SEMA5A: variants seen among roughly 807,000 people sequenced by gnomAD.
SEMA5A encodes the protein semaphorin-5A.
In SEMA5A, 55 loss-of-function variants were observed where a neutral mutation model predicts 135.5. The observed-to-expected ratio is 0.41, with a 90% CI of 0.33 to 0.51. SEMA5A has a LOEUF of 0.51. Among genes scored for constraint, SEMA5A ranks in the 20% least tolerant of loss-of-function variants. The pLI, the probability that SEMA5A is intolerant of heterozygous loss-of-function variation, is 0.37. For missense variants in SEMA5A, 1,290 were observed against 1,419.9 expected (o/e 0.91, Z 1.47); for synonymous variants, 580 against 546.5 (o/e 1.06, Z -0.85).
intron 1 of SEMA5A, among the ~76,000 whole-genome samples, chr5:9,478,836 A>G (rs1379953347): frequency 6.6e-6 from 1 of 152,196 alleles, no homozygotes; most frequent in African/African-American, 2.4e-5. Context: ...GAGAGGCATA[A>G]TTGTGTTTTG....
At chr5:9,328,428 C>T (rs751433475) in intron 4 of SEMA5A, among the ~76,000 whole-genome samples, 6 of 152,194 alleles carry the variant, frequency 3.9e-5, no homozygotes, top group Admixed American at 2.0e-4. Flanking sequence ...CTCCTCAATG[C>T]CTTTAGCAGA....
chr5:9,153,376 A>G (rs1742742995), intron 12 of SEMA5A, among the ~76,000 whole-genome samples: 1 of 152,192 alleles, frequency 6.6e-6, no homozygotes, highest in Admixed American at 6.5e-5. Context: ...TGTGATGTAT[A>G]CAGTACTTTT....
chr5:9,378,052 T>A (rs1238283965), intron 3 of SEMA5A, among the ~76,000 whole-genome samples: 15 of 152,160 alleles, frequency 9.9e-5, no homozygotes, highest in Non-Finnish European at 1.8e-4. Context: ...ACTACATGGA[T>A]TAAAATACAT....
chr5:9,137,809 T>C (rs72741911), intron 12 of SEMA5A, among the ~76,000 whole-genome samples: 6,778 of 152,284 alleles, frequency 0.045, 234 homozygotes, highest in Middle Eastern at 0.085. Flanking sequence ...AAAATAATCA[T>C]TGTTAAAACA....
intron 6 of SEMA5A, among the ~76,000 whole-genome samples, chr5:9,234,748 T>C (rs938328373): frequency 1.3e-5 from 2 of 152,204 alleles, no homozygotes; most frequent in Non-Finnish European, 1.5e-5. Context: ...TTACTAAGAT[T>C]TCCCATTATT....
intron 2 of SEMA5A, among the ~76,000 whole-genome samples, chr5:9,395,728 T>A (rs931387263): frequency 6.6e-6 from 1 of 152,174 alleles, no homozygotes; most frequent in African/African-American, 2.4e-5. Flanking sequence ...AGCACACATG[T>A]TTTTCTCTGT....
At chr5:9,418,272 G>A (rs1303651962) in intron 2 of SEMA5A, among the ~76,000 whole-genome samples, 3 of 152,052 alleles carry the variant, frequency 2.0e-5, no homozygotes, top group East Asian at 1.9e-4. Context: ...CACTGTGCCT[G>A]GCCCAGTGTC....
At chr5:9,419,003 T>TG (rs1757375279) in intron 2 of SEMA5A, among the ~76,000 whole-genome samples, 1 of 152,230 alleles carries the variant, frequency 6.6e-6, no homozygotes, top group Admixed American at 6.5e-5. Context: ...GAAAGTGTCT[T>TG]GGGGCTACAT....
intron 1 of SEMA5A, among the ~76,000 whole-genome samples, chr5:9,498,188 G>T (rs1261532727): frequency 6.6e-6 from 1 of 152,164 alleles, no homozygotes. Context: ...AAAACTAACT[G>T]ATGCAGAGCC....
intron 3 of SEMA5A, among the ~76,000 whole-genome samples, chr5:9,364,326 C>T (rs1754825567): frequency 6.6e-6 from 1 of 152,134 alleles, no homozygotes. Context: ...ATGCCTTTGG[C>T]CCTTAATACA....
intron 13 of SEMA5A, among the ~76,000 whole-genome samples, chr5:9,135,621 G>T (rs1338227142): frequency 1.3e-5 from 2 of 152,150 alleles, no homozygotes; most frequent in African/African-American, 4.8e-5. Flanking sequence ...ACAGCAAGGA[G>T]TTCACACACT....
chr5:9,235,520 C>G (rs772068617), intron 6 of SEMA5A, among the ~76,000 whole-genome samples: 3 of 152,170 alleles, frequency 2.0e-5, no homozygotes, highest in Non-Finnish European at 4.4e-5. Context: ...TTCATTCAGT[C>G]ATTCAGTGGA....
chr5:9,461,296 AATCTTCCAGGGT>A (rs1759049263), intron 1 of SEMA5A, among the ~76,000 whole-genome samples: 1 of 152,224 alleles, frequency 6.6e-6, no homozygotes, highest in South Asian at 2.1e-4. Context: ...ATGCTCACTG[AATCTTCCAGGGT>A]ATCTTAAAGG....
intron 5 of SEMA5A, among the ~76,000 whole-genome samples, chr5:9,300,274 C>T (rs917733710): frequency 6.6e-6 from 1 of 152,144 alleles, no homozygotes; most frequent in South Asian, 2.1e-4. Flanking sequence ...GTGATCCACC[C>T]GTCTTAGCCT....
intron 2 of SEMA5A, among the ~76,000 whole-genome samples, chr5:9,393,555 A>G (rs1756257933): frequency 6.6e-6 from 1 of 152,230 alleles, no homozygotes; most frequent in Admixed American, 6.5e-5. Flanking sequence ...GGAGATAAAA[A>G]CCATAGCTTA....
chr5:9,377,538 A>G (rs1755414689), intron 3 of SEMA5A, among the ~76,000 whole-genome samples: 1 of 152,042 alleles, frequency 6.6e-6, no homozygotes, highest in Non-Finnish European at 1.5e-5. Flanking sequence ...ATACGCGAGG[A>G]CAAAAAAAAA....
chr5:9,119,094 G>C lies in SEMA5A; in HGVS notation c.1829C>G (p.Thr610Ser), dbSNP rs1304442885. ...CCGCACCTGGAAGCCGATCCCACAG[G>C]TAGTGCTGCAGGGAGACCACGAGGT... ...PWTSWSPCST[T>S]CGIGFQVRQR... Residue 610 changes from threonine (T) to serine (S), a missense_variant, in exon 15 of 23, where the codon ACC becomes AGC. Physicochemically the swap from Thr to Ser is moderately conservative, Grantham distance 58. Transcript: ENST00000382496. 1 of 1,613,826 alleles carries C rather than the reference G, an allele frequency of 6.2e-7. No homozygotes were observed. Among genetic ancestry groups the C allele is most frequent in the East Asian group, 2.2e-5 (1 of 44,862 alleles).
chr5:9,072,392 C>T (rs780117627), intron 16 of SEMA5A, among the ~76,000 whole-genome samples: 3 of 152,068 alleles, frequency 2.0e-5, no homozygotes, highest in Non-Finnish European at 4.4e-5. Flanking sequence ...AATGAACACA[C>T]CAGTGATGTG....
At chr5:9,169,947 G>C (rs1743822759) in intron 11 of SEMA5A, among the ~76,000 whole-genome samples, 1 of 152,174 alleles carries the variant, frequency 6.6e-6, no homozygotes, top group South Asian at 2.1e-4. Context: ...AACTTCCAAA[G>C]GTTTTCTGAT....
Sources: gnomAD v4.1 joint callset for allele counts (sites outside exome capture counted in the v4.1 genomes callset) on GRCh38, gnomAD v4.1.1 for gene constraint, MANE v1.5 for transcripts, NCBI Gene and HGNC (gene_info 2026-07-23, HGNC 2026-07-21) for gene names.